Variants in CEP112 observed in about 807,000 individuals in gnomAD.
CEP112 encodes centrosomal protein of 112 kDa.
CEP112 carries 127 observed loss-of-function variants against 153.0 expected under a neutral mutation model. That is an observed-to-expected ratio of 0.83 (90% confidence interval 0.72 to 0.96). CEP112 has a LOEUF of 0.96. Ranked by LOEUF, CEP112 falls within the 40% of genes least tolerant of loss-of-function variation. The pLI is 0.00. For missense variants in CEP112, 1,089 were observed against 1,101.2 expected (o/e 0.99, Z 0.16); for synonymous variants, 358 against 374.4 (o/e 0.96, Z 0.51).
At chr17:65,995,928 G>A (rs983741020) in intron 17 of CEP112, among the ~76,000 whole-genome samples, 1 of 152,122 alleles carries the variant, frequency 6.6e-6, no homozygotes. Flanking sequence ...CATGTAAGAA[G>A]TGCCTTTCGC....
chr17:65,794,779 C>T (rs2054809691), intron 21 of CEP112, among the ~76,000 whole-genome samples: 1 of 152,172 alleles, frequency 6.6e-6, no homozygotes, highest in African/African-American at 2.4e-5. Context: ...ATCGCACCTG[C>T]GGCTTCTACC....
At chr17:65,900,294 T>C (rs2059799447) in intron 20 of CEP112, among the ~76,000 whole-genome samples, 1 of 152,156 alleles carries the variant, frequency 6.6e-6, no homozygotes, top group Admixed American at 6.6e-5. Context: ...TTCCAATTAG[T>C]AAAACGTTCC....
chr17:65,664,902 C>T (rs2046614507), intron 24 of CEP112, among the ~76,000 whole-genome samples: 1 of 152,326 alleles, frequency 6.6e-6, no homozygotes, highest in African/African-American at 2.4e-5. Flanking sequence ...AGGGTACCAG[C>T]ATGGTCTGGT....
At chr17:65,662,637 C>T (rs2046446079) in intron 24 of CEP112, among the ~76,000 whole-genome samples, 1 of 152,124 alleles carries the variant, frequency 6.6e-6, no homozygotes, top group African/African-American at 2.4e-5. Context: ...AAGCTCTCAA[C>T]AATCACTGGT....
At chr17:66,108,396 G>C (rs1297398971) in intron 6 of CEP112, among the ~76,000 whole-genome samples, 5 of 151,572 alleles carry the variant, frequency 3.3e-5, no homozygotes, top group Admixed American at 3.3e-4. Flanking sequence ...ATTTGCAAAG[G>C]AGCTCAAACA....
chr17:65,803,833 G>T (rs536998743), intron 21 of CEP112, among the ~76,000 whole-genome samples: 4 of 152,170 alleles, frequency 2.6e-5, no homozygotes, highest in African/African-American at 9.6e-5. Context: ...CTAGTCAAAA[G>T]AGCATTTTTA....
chr17:66,033,406 C>G (rs912703415), intron 12 of CEP112, among the ~76,000 whole-genome samples: 4 of 152,160 alleles, frequency 2.6e-5, no homozygotes, highest in African/African-American at 9.7e-5. Flanking sequence ...TTGCAAAACC[C>G]TCCAATGGCT....
intron 1 of CEP112, among the ~76,000 whole-genome samples, chr17:66,186,770 TA>T (rs1338451413): frequency 6.6e-6 from 1 of 152,200 alleles, no homozygotes; most frequent in African/African-American, 2.4e-5. Flanking sequence ...TGCTATTTCC[TA>T]CTCCACAAAG....
At chr17:66,080,766 T>C (rs994986411) in intron 8 of CEP112, among the ~76,000 whole-genome samples, 1 of 152,178 alleles carries the variant, frequency 6.6e-6, no homozygotes, top group African/African-American at 2.4e-5. Context: ...CCAACCCAAA[T>C]GCCCATCAAT....
intron 24 of CEP112, among the ~76,000 whole-genome samples, chr17:65,656,306 T>G (rs537999892): frequency 1.3e-5 from 2 of 152,162 alleles, no homozygotes; most frequent in Non-Finnish European, 2.9e-5. Flanking sequence ...AGGGGAAGAA[T>G]TGAGAAGTGG....
chr17:66,135,951 A>G (rs950001010), intron 4 of CEP112, among the ~76,000 whole-genome samples: 2 of 152,162 alleles, frequency 1.3e-5, no homozygotes, highest in Non-Finnish European at 2.9e-5. Flanking sequence ...GATGTCAGCA[A>G]GACTCTCCTT....
At chr17:65,750,353 A>C (rs2051744908) in intron 22 of CEP112, among the ~76,000 whole-genome samples, 1 of 152,130 alleles carries the variant, frequency 6.6e-6, no homozygotes, top group East Asian at 1.9e-4. Context: ...TGTCCTTGTG[A>C]AGTATGTTTC....
At position 66,108,701 on chromosome 17, in the gene CEP112, G is replaced by C. The variant is rs2068889045; in HGVS notation, c.643-12069C>G. Reference sequence around the variant, plus strand: ...TAGTACAGCCACTATGGAAAACAGGGTAGAGATTCCTCAAAAAATTAAAAA... The same window carrying C: ...TAGTACAGCCACTATGGAAAACAGGCTAGAGATTCCTCAAAAAATTAAAAA... On this transcript the variant is annotated intron_variant, in intron 6 of 26. Coordinates refer to ENST00000535342, the MANE Select transcript of CEP112 (RefSeq NM_001199165.4). Among the ~76,000 whole-genome samples, 3 of 152,180 alleles carry C rather than the reference G, an allele frequency of 2.0e-5. No individual in the cohort carries two copies. The South Asian group carries it at 6.2e-4, about 32-fold the overall frequency.
chr17:65,967,999 A>G (rs2062476493), intron 17 of CEP112, among the ~76,000 whole-genome samples: 8 of 151,936 alleles, frequency 5.3e-5, no homozygotes, highest in Admixed American at 5.2e-4. Context: ...ATATTTAACA[A>G]ATGATTAAAA....
chr17:66,055,778 C>A (rs2066656141), intron 11 of CEP112, among the ~76,000 whole-genome samples: 1 of 152,134 alleles, frequency 6.6e-6, no homozygotes, highest in African/African-American at 2.4e-5. Context: ...GTTGAGACTA[C>A]AAGGGTAAAA....
At chr17:66,084,948 A>G (rs1282991199) in intron 8 of CEP112, among the ~76,000 whole-genome samples, 4 of 152,202 alleles carry the variant, frequency 2.6e-5, no homozygotes, top group African/African-American at 9.7e-5. Flanking sequence ...CCTACTATGT[A>G]CGCACAAAAA....
At chr17:66,141,412 A>ATTTG (rs1025656969) in intron 4 of CEP112, among the ~76,000 whole-genome samples, 1 of 149,610 alleles carries the variant, frequency 6.7e-6, no homozygotes, top group African/African-American at 2.6e-5. Flanking sequence ...TTTTTCTTTT[A>ATTTG]TTGTGGTAAA....
chr17:66,153,447 C>G (rs2071292686), intron 4 of CEP112, among the ~76,000 whole-genome samples: 1 of 137,390 alleles, frequency 7.3e-6, no homozygotes, highest in African/African-American at 2.7e-5. Flanking sequence ...ACGTATTACC[C>G]ATGAAATTTC....
chr17:65,826,069 C>T (rs747734506), intron 21 of CEP112: 1 of 1,506,642 alleles, frequency 6.6e-7, no homozygotes, highest in East Asian at 2.3e-5. Flanking sequence ...CCTAACTCAG[C>T]TCAGCAATGA....
Sources: gnomAD v4.1 joint callset for allele counts (sites outside exome capture counted in the v4.1 genomes callset) on GRCh38, gnomAD v4.1.1 for gene constraint, MANE v1.5 for transcripts, NCBI Gene and HGNC (gene_info 2026-07-23, HGNC 2026-07-21) for gene names.